Variants in FMN1 observed in about 807,000 individuals in gnomAD.
FMN1 encodes formin 1.
FMN1 carries 110 observed loss-of-function variants against 132.4 expected under a neutral mutation model. The ratio of observed to expected loss-of-function variants is 0.83; its 90% confidence interval spans 0.71 to 0.97. The LOEUF is 0.97. FMN1 is among the 50% of genes least tolerant of loss of function. FMN1 has a pLI of 0.00. For synonymous variants in FMN1, 722 were observed against 651.7 expected, an observed-to-expected ratio of 1.11 and a Z score of -1.64; for missense variants, 1,792 against 1,705.3, an observed-to-expected ratio of 1.05 and a Z score of -0.90.
rs577548685 is a variant in FMN1, at chr15:32,951,528, T to C, written c.3138+12579A>G. ...CTGGGGTCCAGGAACCATAAGTGAA[T>C]GAGAGATGAGGCTTCTGGTTAAAAT... On this transcript the variant is annotated intron_variant, in intron 9 of 20. Transcript: ENST00000616417. Among the ~76,000 whole-genome samples, 37 of 152,092 alleles carry C rather than the reference T, an allele frequency of 2.4e-4. No homozygotes were observed. In the South Asian group the frequency reaches 7.7e-3, roughly 32 times the overall value.
intron 9 of FMN1, among the ~76,000 whole-genome samples, chr15:32,953,303 A>G (rs1261670111): frequency 6.6e-6 from 1 of 152,214 alleles, no homozygotes; most frequent in Non-Finnish European, 1.5e-5. Flanking sequence ...TAAATTGACC[A>G]TGGCTAACCT....
chr15:32,901,320 C>T (rs2060290902), intron 13 of FMN1, among the ~76,000 whole-genome samples: 1 of 152,074 alleles, frequency 6.6e-6, no homozygotes, highest in African/African-American at 2.4e-5. Flanking sequence ...ATCATTTCTC[C>T]AAATAAGGAA....
chr15:33,189,143 C>A (rs951759164), intron 2 of FMN1, among the ~76,000 whole-genome samples: 4 of 152,144 alleles, frequency 2.6e-5, no homozygotes, highest in Non-Finnish European at 5.9e-5. Context: ...GTGATCTTAA[C>A]ACAAGGCCAG....
chr15:33,097,377 C>T lies in FMN1; in HGVS notation c.1868-8403G>A, dbSNP rs892312965. Among the ~76,000 whole-genome samples, 301 of 151,358 alleles carry T rather than the reference C, an allele frequency of 2.0e-3. 4 individuals are homozygous for T. The highest frequency in any genetic ancestry group is 6.2e-4 in the Non-Finnish European group (42 of 67,896). ...AAAATACTTAAAGAAGTATTGGCTT[C>T]AATTTTCCAAATTTGAAGAAAATTA... On this transcript the variant is annotated intron_variant, in intron 4 of 20. Transcript: ENST00000616417.
chr15:32,942,551 T>C (rs1465657581), intron 9 of FMN1, among the ~76,000 whole-genome samples: 1 of 152,182 alleles, frequency 6.6e-6, no homozygotes, highest in African/African-American at 2.4e-5. Context: ...AGCTACAAAA[T>C]TAAGAGAAAC....
At chr15:32,798,180 AC>A (rs1567182736) in intron 19 of FMN1, among the ~76,000 whole-genome samples, 39,301 of 148,706 alleles carry the variant, frequency 0.26, 5,880 homozygotes, top group East Asian at 0.66. Flanking sequence ...AGGAAAACGC[AC>A]ACACACACAC....
chr15:33,012,337 T>G, intron 6 of FMN1: 6 of 843,010 alleles, frequency 7.1e-6, no homozygotes, highest in Non-Finnish European at 1.0e-5. Context: ...CAGCCATGAA[T>G]GCAAGGCCAC....
At position 32,929,440 on chromosome 15, in the gene FMN1, G is replaced by T. The variant is rs141517343; in HGVS notation, c.3139-3179C>A. Among the ~76,000 whole-genome samples the T allele has an allele frequency of 1.1e-3, 170 of 152,174 alleles. 2 individuals are homozygous for T. The highest frequency in any genetic ancestry group is 4.0e-3 in the African/African-American group (164 of 41,514). ...TAATTTCTCTTTATTTTTATGAAAA[G>T]TGCACAACATGAAATGTATCCTATT... On this transcript the variant is annotated intron_variant, in intron 9 of 20. Transcript: ENST00000616417.
intron 18 of FMN1, among the ~76,000 whole-genome samples, chr15:32,800,572 AG>A (rs1328277908): frequency 2.0e-5 from 3 of 152,256 alleles, no homozygotes; most frequent in Non-Finnish European, 4.4e-5. Context: ...TATAACCTAT[AG>A]GAACAGGCCA....
rs1023299872 is a variant in FMN1, at chr15:32,827,847, A to G, written c.3929-23515T>C. ...TGACAGAGCAAGACTCCGTCTCAAG[A>G]AAAAAAAAAAAAGGACATACAGATT... On this transcript the variant is annotated intron_variant, in intron 17 of 20. Coordinates refer to ENST00000616417, the MANE Select transcript of FMN1 (RefSeq NM_001277313.2). Among the ~76,000 whole-genome samples the G allele has an allele frequency of 9.0e-5, 13 of 144,706 alleles. No homozygotes were observed. The South Asian group carries it at 2.2e-3, about 24-fold the overall frequency. The allele number at this position is 144,706 out of a possible 152,430, so 94.9% of individuals were successfully genotyped here.
intron 18 of FMN1, among the ~76,000 whole-genome samples, chr15:32,803,225 C>G (rs977824207): frequency 5.9e-5 from 9 of 152,234 alleles, no homozygotes; most frequent in African/African-American, 1.9e-4. Context: ...TCCTTAGATG[C>G]TGTCTCCTAC....
At chr15:33,033,124 G>T (rs1015313580) in intron 6 of FMN1, among the ~76,000 whole-genome samples, 4 of 151,950 alleles carry the variant, frequency 2.6e-5, no homozygotes, top group Admixed American at 2.6e-4. Context: ...TCTGCCTCCT[G>T]GGTTCACGCC....
At chr15:32,896,440 A>G (rs941983760) in intron 15 of FMN1, among the ~76,000 whole-genome samples, 1 of 151,976 alleles carries the variant, frequency 6.6e-6, no homozygotes, top group Non-Finnish European at 1.5e-5. Context: ...AACAAAAAAA[A>G]CCCCCTATAA....
intron 10 of FMN1, 26 bp downstream of exon 10, chr15:32,926,148 A>G: frequency 1.6e-6 from 2 of 1,258,844 alleles, no homozygotes; most frequent in Non-Finnish European, 2.2e-6. Flanking sequence ...GGAAAAAGTA[A>G]AACAAAAGTG....
intron 18 of FMN1, among the ~76,000 whole-genome samples, chr15:32,800,747 G>A (rs988770264): frequency 6.6e-6 from 1 of 152,166 alleles, no homozygotes; most frequent in Admixed American, 6.5e-5. Flanking sequence ...GATTTTCTGT[G>A]AAATGCTCTG....
At chr15:33,031,884 T>A (rs976937454) in intron 6 of FMN1, among the ~76,000 whole-genome samples, 10 of 152,206 alleles carry the variant, frequency 6.6e-5, no homozygotes, top group African/African-American at 2.4e-4. Flanking sequence ...AACAAATAAA[T>A]ATTGATAAAG....
At chr15:32,887,490 G>T (rs1182115038) in intron 16 of FMN1, among the ~76,000 whole-genome samples, 1 of 152,040 alleles carries the variant, frequency 6.6e-6, no homozygotes, top group African/African-American at 2.4e-5. Context: ...GCCAAAAAGG[G>T]GCTTTCAGCA....
intron 6 of FMN1, among the ~76,000 whole-genome samples, chr15:33,042,176 A>G (rs189031892): frequency 2.0e-5 from 3 of 152,286 alleles, no homozygotes; most frequent in Admixed American, 2.0e-4. Flanking sequence ...CCCATTTACA[A>G]TCAAATATCC....
At chr15:33,129,520 T>G (rs772375625) in intron 4 of FMN1, among the ~76,000 whole-genome samples, 2 of 152,224 alleles carry the variant, frequency 1.3e-5, no homozygotes, top group Non-Finnish European at 2.9e-5. Flanking sequence ...AACTGGTATA[T>G]GCTGATGCCC....
Sources: allele counts gnomAD v4.1 joint callset (sites outside exome capture counted in the v4.1 genomes callset), GRCh38; gene constraint gnomAD v4.1.1; transcripts MANE v1.5; gene names NCBI Gene and HGNC (gene_info 2026-07-23, HGNC 2026-07-21).